RORA: variants seen among roughly 807,000 people sequenced by gnomAD.
The protein encoded by RORA is RAR related orphan receptor A, also known as nuclear receptor ROR-alpha.
A neutral mutation model predicts 69.5 loss-of-function variants in RORA; 7 were observed. That is an observed-to-expected ratio of 0.10 (90% confidence interval 0.06 to 0.19). RORA has a LOEUF of 0.19. RORA is among the 10% of genes least tolerant of loss of function. The pLI is 1.00. For synonymous variants in RORA, 261 were observed against 240.8 expected (o/e 1.08, Z -0.78); for missense variants, 457 against 663.0 (o/e 0.69, Z 3.41).
chr15:61,108,039 C>T (rs944906567), intron 1 of RORA, among the ~76,000 whole-genome samples: 1 of 152,152 alleles, frequency 6.6e-6, no homozygotes, highest in African/African-American at 2.4e-5. Flanking sequence ...TCAGCGATAA[C>T]CCTTCTATTT....
chr15:60,899,920 G>T (rs1891339760), intron 1 of RORA, among the ~76,000 whole-genome samples: 1 of 152,232 alleles, frequency 6.6e-6, no homozygotes, highest in South Asian at 2.1e-4. Context: ...GCAGGGTCAT[G>T]CTAGCTTCTA....
intron 1 of RORA, among the ~76,000 whole-genome samples, chr15:60,994,560 T>C (rs985801811): frequency 6.6e-6 from 1 of 152,202 alleles, no homozygotes; most frequent in African/African-American, 2.4e-5. Flanking sequence ...CCCTGCTTCT[T>C]TGGGTACCAG....
At chr15:60,727,621 G>A (rs1595664409) in intron 1 of RORA, among the ~76,000 whole-genome samples, 1 of 152,168 alleles carries the variant, frequency 6.6e-6, no homozygotes. Context: ...TGGAGGCAAA[G>A]CAACTGGGAC....
chr15:61,023,196 A>AAAC (rs1895630215), intron 1 of RORA, among the ~76,000 whole-genome samples: 1 of 131,082 alleles, frequency 7.6e-6, no homozygotes, highest in African/African-American at 2.8e-5. Flanking sequence ...TCAAAAAAAA[A>AAAC]AAAAAAAAAA....
At chr15:60,656,959 A>G (rs2070230283) in intron 2 of RORA, among the ~76,000 whole-genome samples, 1 of 152,044 alleles carries the variant, frequency 6.6e-6, no homozygotes, top group South Asian at 2.1e-4. Flanking sequence ...CTCCCTAGTG[A>G]CTCTCTTTTT....
chr15:61,198,694 A>AG (rs2079868308), intron 1 of RORA, among the ~76,000 whole-genome samples: 1 of 150,502 alleles, frequency 6.6e-6, no homozygotes, highest in East Asian at 2.0e-4. Flanking sequence ...AAAAAAAGAC[A>AG]ACTACTATAT....
intron 2 of RORA, among the ~76,000 whole-genome samples, chr15:60,577,224 A>C (rs967484006): frequency 1.3e-5 from 2 of 152,230 alleles, no homozygotes; most frequent in African/African-American, 4.8e-5. Context: ...AATCTGTCTG[A>C]ATTTAAAGCC....
chr15:61,041,689 G>C (rs1296453814), intron 1 of RORA, among the ~76,000 whole-genome samples: 1 of 152,152 alleles, frequency 6.6e-6, no homozygotes, highest in Non-Finnish European at 1.5e-5. Flanking sequence ...TTCCCAAAGT[G>C]CTGGAATTAC....
At chr15:61,168,204 G>A (rs985390012) in intron 1 of RORA, among the ~76,000 whole-genome samples, 15 of 148,610 alleles carry the variant, frequency 1.0e-4, no homozygotes, top group Admixed American at 5.3e-4. Context: ...ATATACACGC[G>A]CGTGCGTGCG....
chr15:60,591,313 G>C (rs9920960), intron 2 of RORA, among the ~76,000 whole-genome samples: 1,719 of 152,224 alleles, frequency 0.011, 40 homozygotes, highest in African/African-American at 0.039. Flanking sequence ...GCGGCGGGCG[G>C]CGTGCTGCGG....
intron 2 of RORA, among the ~76,000 whole-genome samples, chr15:60,553,047 A>T (rs1054239578): frequency 6.6e-6 from 1 of 152,214 alleles, no homozygotes; most frequent in Non-Finnish European, 1.5e-5. Context: ...AACAGTACCT[A>T]CTTCACAGGG....
intron 1 of RORA, among the ~76,000 whole-genome samples, chr15:60,827,872 C>T (rs1290558339): frequency 6.6e-6 from 1 of 152,208 alleles, no homozygotes; most frequent in Non-Finnish European, 1.5e-5. Flanking sequence ...AAAACGATGA[C>T]AACTACTGTT....
intron 1 of RORA, among the ~76,000 whole-genome samples, chr15:60,725,542 C>A (rs2071346019): frequency 6.6e-6 from 1 of 152,184 alleles, no homozygotes; most frequent in African/African-American, 2.4e-5. Flanking sequence ...GTGTCCACCC[C>A]CTCAAGCACG....
intron 2 of RORA, among the ~76,000 whole-genome samples, chr15:60,555,141 C>T (rs1183154465): frequency 6.6e-6 from 1 of 152,138 alleles, no homozygotes; most frequent in Non-Finnish European, 1.5e-5. Context: ...CTCTCTGTAC[C>T]AAAATGGCCT....
chr15:61,134,228 CTGCCGGCT>C (rs2079216542), intron 1 of RORA, among the ~76,000 whole-genome samples: 1 of 152,146 alleles, frequency 6.6e-6, no homozygotes, highest in Non-Finnish European at 1.5e-5. Context: ...GCAGAATGGT[CTGCCGGCT>C]TATTGATGAT....
chr15:61,052,048 T>C (rs782949), intron 1 of RORA, among the ~76,000 whole-genome samples: 7,887 of 152,296 alleles, frequency 0.052, 297 homozygotes, highest in East Asian at 0.15. Flanking sequence ...AGAAATGCTA[T>C]CGTCTGCAGT....
intron 1 of RORA, among the ~76,000 whole-genome samples, chr15:60,958,574 T>A (rs922050760): frequency 6.6e-6 from 1 of 152,142 alleles, no homozygotes; most frequent in African/African-American, 2.4e-5. Context: ...TTATCCCTGT[T>A]TTAAAAATGA....
Position 60,889,350 on chromosome 15 carries a change from C to CG in RORA, c.167-210665dup, listed in dbSNP as rs3985706. 7.1e-3 allele frequency among the ~76,000 whole-genome samples: 964 copies of CG among 135,658 alleles called. 4 individuals carry two copies. Among genetic ancestry groups the CG allele is most frequent in the Non-Finnish European group, 0.011 (628 of 59,460 alleles). The allele number at this position is 135,658 out of a possible 152,430, so 89.0% of individuals were successfully genotyped here. A position where few individuals can be genotyped will look rare whatever the true frequency, so the allele number is the denominator to read the frequency against. ...GAGAAAGACAGGGAAGGGAGTGGGG[C>CG]GGGGGGGGGGGGAAGGAAATCCCCC... is the stretch of plus-strand genomic sequence containing the variant. On this transcript the variant is annotated intron_variant, in intron 1 of 10. Transcript: ENST00000335670.
At chr15:60,990,729 C>T (rs929535804) in intron 1 of RORA, among the ~76,000 whole-genome samples, 5 of 152,194 alleles carry the variant, frequency 3.3e-5, no homozygotes, top group African/African-American at 1.2e-4. Flanking sequence ...AACACCCACA[C>T]CTACAGCATG....
Sources: allele counts gnomAD v4.1 joint callset (sites outside exome capture counted in the v4.1 genomes callset), GRCh38; gene constraint gnomAD v4.1.1; transcripts MANE v1.5; gene names NCBI Gene and HGNC (gene_info 2026-07-23, HGNC 2026-07-21).